The following PEAK1 variants were observed in gnomAD, a reference collection of about 807,000 sequenced individuals.
PEAK1 encodes pseudopodium enriched atypical kinase 1.
In PEAK1, 54 loss-of-function variants were observed where a neutral mutation model predicts 124.7. That is an observed-to-expected ratio of 0.43 (90% confidence interval 0.35 to 0.54). The LOEUF (loss-of-function observed/expected upper bound fraction) is 0.54. Ranked by LOEUF, PEAK1 falls within the 20% of genes least tolerant of loss-of-function variation. The pLI, the probability that PEAK1 is intolerant of heterozygous loss-of-function variation, is 0.01. For missense variants in PEAK1, 2,046 were observed against 2,134.5 expected, an observed-to-expected ratio of 0.96 and a Z score of 0.82; for synonymous variants, 719 against 760.0, an observed-to-expected ratio of 0.95 and a Z score of 0.89.
chr15:77,217,463 A>G (rs945640732), intron 6 of PEAK1, among the ~76,000 whole-genome samples: 3 of 152,216 alleles, frequency 2.0e-5, no homozygotes, highest in African/African-American at 7.2e-5. Flanking sequence ...CCAAAGCTTT[A>G]GCAGAAAAAT....
In PEAK1 at chr15:77,158,836, CT is replaced by C. The variant is rs966133430; in HGVS notation, c.3138-141del. 8.9e-5 allele frequency: 68 copies of C among 764,148 alleles called. 1 individual carries two copies. In the Middle Eastern group the frequency reaches 1.7e-3, roughly 19 times the overall value. 47.3% of individuals were successfully genotyped at this position (764,148 alleles called of 1,614,324 possible). ...ACACTTGTCTGAACACAAGGCAGTA[CT>C]TCATTTAGGCAGATACTTCTATTTA... is the stretch of plus-strand genomic sequence containing the variant. On this transcript the variant is annotated intron_variant, in intron 7 of 9. Transcript: ENST00000682557.
chr15:77,409,376 C>A (rs2072209363), intron 1 of PEAK1, among the ~76,000 whole-genome samples: 1 of 152,110 alleles, frequency 6.6e-6, no homozygotes, highest in South Asian at 2.1e-4. Context: ...ATCACTTCCC[C>A]CATTTTACAC....
chr15:77,179,196 A>G lies in PEAK1; in HGVS notation c.2731T>C (p.Ser911Pro). 1.2e-6 allele frequency: 2 copies of G among 1,614,132 alleles called. No individual in the cohort carries two copies. Among genetic ancestry groups the G allele is most frequent in the Non-Finnish European group, 8.5e-7 (1 of 1,180,028 alleles). The change falls in exon 7 of 10, where the codon TCT becomes CCT. Residue 911 changes from serine (S) to proline (P), a missense_variant. Physicochemically the swap from Ser to Pro is moderately conservative, Grantham distance 74 (BLOSUM62 -1). Transcript: ENST00000682557. ...TCAGCTGCCCGCCTGCTGCCTTCAG[A>G]GTGCAAAACTGATTCAGCTTCTGTT... The part of the protein sequence containing the change: ...RSTEAESVLH[S>P]EGSRRAADAK...
intron 5 of PEAK1, among the ~76,000 whole-genome samples, chr15:77,267,884 A>G (rs1567190603): frequency 6.6e-6 from 1 of 152,212 alleles, no homozygotes; most frequent in East Asian, 1.9e-4. Context: ...ATTGCCAGAA[A>G]AAGAATTCAC....
chr15:77,350,929 T>C (rs1035374926), intron 2 of PEAK1: 1 of 985,284 alleles, frequency 1.0e-6, no homozygotes, highest in African/African-American at 1.7e-5. Context: ...TTAGAGCAAT[T>C]CACATGTAAA....
chr15:77,402,593 CCA>C, intron 1 of PEAK1: 1 of 981,612 alleles, frequency 1.0e-6, no homozygotes, highest in Non-Finnish European at 1.2e-6. Flanking sequence ...AAGATATGCT[CCA>C]GTTTTGAATG....
In PEAK1 at chr15:77,179,622, GAGAA is replaced by G; in HGVS notation, c.2301_2304del (p.Ser768ArgfsTer80). 1 of 1,614,156 alleles carries G rather than the reference GAGAA, an allele frequency of 6.2e-7. No homozygotes were observed. The highest frequency in any genetic ancestry group is 8.5e-7 in the Non-Finnish European group (1 of 1,180,016). ...GGGGGTTGGATTGAAGCCACAATCT[GAGAA>G]AGCACTGTGCTTGCTTTCTCTCTGG... On this transcript the variant is annotated frameshift_variant, in exon 7 of 10. Transcript: ENST00000682557. LOFTEE classifies it high-confidence loss of function.
At chr15:77,319,247 G>T (rs1483249407) in intron 2 of PEAK1, among the ~76,000 whole-genome samples, 1 of 149,506 alleles carries the variant, frequency 6.7e-6, no homozygotes, top group South Asian at 2.1e-4. Flanking sequence ...TGCCCCAAAT[G>T]TAGTTTAAAA....
intron 6 of PEAK1, among the ~76,000 whole-genome samples, chr15:77,240,932 C>T (rs1015813): frequency 0.22 from 33,640 of 152,004 alleles, 4,202 homozygotes; most frequent in Middle Eastern, 0.29. Flanking sequence ...GGAAGATATA[C>T]TTCCCATTCA....
chr15:77,409,736 T>C (rs981381391), intron 1 of PEAK1, among the ~76,000 whole-genome samples: 1 of 152,136 alleles, frequency 6.6e-6, no homozygotes, highest in African/African-American at 2.4e-5. Context: ...TTTGAGAAAA[T>C]AAAAAACCTT....
At chr15:77,353,985 C>T (rs553932240) in intron 2 of PEAK1, among the ~76,000 whole-genome samples, 16 of 152,272 alleles carry the variant, frequency 1.1e-4, no homozygotes, top group African/African-American at 2.4e-4. Flanking sequence ...TTTTTCTGCA[C>T]TTGTCCACTA....
intron 8 of PEAK1, among the ~76,000 whole-genome samples, chr15:77,139,290 G>T (rs529808822): frequency 7.8e-4 from 119 of 152,282 alleles, no homozygotes; most frequent in African/African-American, 2.8e-3. Flanking sequence ...ACCTCCTGAA[G>T]GACATGCCTG....
intron 2 of PEAK1, among the ~76,000 whole-genome samples, chr15:77,358,929 T>C (rs1668674092): frequency 6.6e-6 from 1 of 152,204 alleles, no homozygotes; most frequent in Non-Finnish European, 1.5e-5. Context: ...ACTGTGAAGA[T>C]TACATGAAAT....
At chr15:77,417,625 C>T (rs563414259) in intron 1 of PEAK1, 1 of 985,326 alleles carries the variant, frequency 1.0e-6, no homozygotes, top group African/African-American at 1.7e-5. Context: ...AGTTTGGTTA[C>T]TAAATTACTT....
intron 5 of PEAK1, among the ~76,000 whole-genome samples, chr15:77,261,434 G>C (rs1181856206): frequency 6.6e-6 from 1 of 152,172 alleles, no homozygotes; most frequent in Admixed American, 6.5e-5. Flanking sequence ...TAAAGGAGCT[G>C]ATGGAGCTGA....
chr15:77,338,431 A>T (rs562242785), intron 2 of PEAK1, among the ~76,000 whole-genome samples: 1 of 152,318 alleles, frequency 6.6e-6, no homozygotes, highest in South Asian at 2.1e-4. Flanking sequence ...ATGCTTAAAG[A>T]AAATCTGTGA....
At chr15:77,255,596 A>T (rs1047000210) in intron 5 of PEAK1, 1 of 154,368 alleles carries the variant, frequency 6.5e-6, no homozygotes, top group Middle Eastern at 3.1e-3. Flanking sequence ...CACCTAAATT[A>T]AACCTAAGCC....
At chr15:77,296,600 T>C (rs902339300) in intron 2 of PEAK1, among the ~76,000 whole-genome samples, 2 of 150,598 alleles carry the variant, frequency 1.3e-5, no homozygotes, top group African/African-American at 4.9e-5. Flanking sequence ...GGCGACAGAG[T>C]GAGACTCTGT....
rs1469429790 is a variant in PEAK1 at position 77,313,652 on chromosome 15, A to ATGTATGTGTG, written c.-602-27149_-602-27148insCACACATACA. Among the ~76,000 whole-genome samples, 223 of 90,574 alleles carry ATGTATGTGTG rather than the reference A, an allele frequency of 2.5e-3. 2 individuals carry two copies. The highest frequency in any genetic ancestry group is 0.012 in the Middle Eastern group (2 of 162). 59.4% of individuals were successfully genotyped at this position (90,574 alleles called of 152,430 possible). On this transcript the variant is annotated intron_variant, in intron 2 of 9. Transcript: ENST00000682557. ...CAGTAATGTATGTATGTATGTATGTATGTGTGTGTGTGTGTGTGTGTGTGT... is the reference window on the plus strand; with the variant it reads ...CAGTAATGTATGTATGTATGTATGTATGTATGTGTGTGTGTGTGTGTGTGTGTGTGTGTGT...
Sources: allele counts gnomAD v4.1 joint callset (sites outside exome capture counted in the v4.1 genomes callset), GRCh38; gene constraint gnomAD v4.1.1; transcripts MANE v1.5; gene names NCBI Gene and HGNC (gene_info 2026-07-23, HGNC 2026-07-21).